The following NAT1 variants were observed in gnomAD, a reference collection of about 807,000 sequenced individuals.
NAT1 encodes the protein N-acetyltransferase 1.
For synonymous variants in NAT1, 144 were observed against 122.6 expected (o/e 1.17, Z -1.16); for missense variants, 400 against 339.2 (o/e 1.18, Z -1.41).
At chr8:18,184,393 A>C (rs1802648723) in intron 2 of NAT1, among the ~76,000 whole-genome samples, 1 of 152,108 alleles carries the variant, frequency 6.6e-6, no homozygotes, top group Admixed American at 6.6e-5. Context: ...TCTGCCCACA[A>C]AGCCCTAAAG....
intron 2 of NAT1, among the ~76,000 whole-genome samples, chr8:18,187,463 G>A (rs1333197945): frequency 1.3e-5 from 2 of 152,122 alleles, no homozygotes; most frequent in Non-Finnish European, 2.9e-5. Context: ...CCCATCAATG[G>A]CGGACTGGCT....
At chr8:18,209,752 C>T (rs1803901142), upstream of NAT1, 1 of 152,116 alleles carries the variant, frequency 6.6e-6, no homozygotes, top group African/African-American at 2.4e-5. Context: ...TGATTAAAGC[C>T]TTCCATCTTC....
intron 2 of NAT1, among the ~76,000 whole-genome samples, chr8:18,183,279 T>C (rs1338937699): frequency 1.3e-5 from 2 of 152,176 alleles, no homozygotes; most frequent in Non-Finnish European, 2.9e-5. Context: ...CACCTCTCAA[T>C]ACTGTTTGCA....
intron 2 of NAT1, among the ~76,000 whole-genome samples, chr8:18,186,593 C>T (rs942044818): frequency 1.2e-4 from 19 of 152,074 alleles, no homozygotes; most frequent in African/African-American, 3.6e-4. Flanking sequence ...TTATACCTAT[C>T]GTCTTATTGT....
At chr8:18,191,512 A>G (rs1296782529) in intron 2 of NAT1, among the ~76,000 whole-genome samples, 1 of 152,016 alleles carries the variant, frequency 6.6e-6, no homozygotes, top group Non-Finnish European at 1.5e-5. Context: ...ATATGGAACC[A>G]AAAAAGAGCC....
At chr8:18,205,073 C>T (rs922516434) in intron 2 of NAT1, among the ~76,000 whole-genome samples, 7 of 152,156 alleles carry the variant, frequency 4.6e-5, no homozygotes, top group African/African-American at 1.2e-4. Context: ...GAGGTACTCC[C>T]GGACCATTGG....
chr8:18,186,566 T>C (rs1299228667), intron 2 of NAT1, among the ~76,000 whole-genome samples: 2 of 152,174 alleles, frequency 1.3e-5, no homozygotes, highest in Non-Finnish European at 2.9e-5. Context: ...TTTAACACAA[T>C]TGCTGATATT....
chr8:18,220,038 C>T (rs929718480), intron 2 of NAT1, among the ~76,000 whole-genome samples: 3 of 152,088 alleles, frequency 2.0e-5, no homozygotes, highest in African/African-American at 7.2e-5. Context: ...GTATAAACCG[C>T]CTTCGTCCTT....
chr8:18,202,188 C>G (rs960342339), intron 2 of NAT1, among the ~76,000 whole-genome samples: 1 of 152,174 alleles, frequency 6.6e-6, no homozygotes, highest in African/African-American at 2.4e-5. Context: ...TTGACTGGGC[C>G]TTTACCTGTG....
intron 2 of NAT1, 71 bp from the exon 3 acceptor site, chr8:18,221,971 C>A: frequency 1.4e-6 from 2 of 1,417,350 alleles, no homozygotes; most frequent in Non-Finnish European, 1.9e-6. Context: ...TAAAATATAG[C>A]CATAATTAGC....
At chr8:18,179,140 A>G (rs1168535343) in intron 2 of NAT1, among the ~76,000 whole-genome samples, 1 of 151,988 alleles carries the variant, frequency 6.6e-6, no homozygotes, top group Non-Finnish European at 1.5e-5. Flanking sequence ...ACTGCACAGT[A>G]TTTGCCTGAT....
At chr8:18,189,854 A>G (rs1802908592) in intron 2 of NAT1, among the ~76,000 whole-genome samples, 1 of 152,134 alleles carries the variant, frequency 6.6e-6, no homozygotes, top group Admixed American at 6.6e-5. Flanking sequence ...CAATGGCATG[A>G]TCTTGGATCA....
intron 1 of NAT1, 34 bp from the exon 2 acceptor site, chr8:18,219,377 A>T: frequency 7.3e-7 from 1 of 1,378,994 alleles, no homozygotes; most frequent in Non-Finnish European, 1.0e-6. Context: ...AAGTCATGTT[A>T]TATATTTCTG....
At chr8:18,208,661 C>G (rs543399373), upstream of NAT1, among the ~76,000 whole-genome samples, 3 of 152,320 alleles carry the variant, frequency 2.0e-5, no homozygotes, top group Admixed American at 2.0e-4. Flanking sequence ...CAGAGTCTAC[C>G]TCCTTAGGAA....
At chr8:18,176,518 C>G (rs1391977888) in intron 2 of NAT1, among the ~76,000 whole-genome samples, 1 of 151,772 alleles carries the variant, frequency 6.6e-6, no homozygotes, top group Non-Finnish European at 1.5e-5. Context: ...GCCATAAACA[C>G]TTCGGGTTAT....
At chr8:18,199,066 C>T (rs1304069943) in intron 2 of NAT1, among the ~76,000 whole-genome samples, 1 of 151,900 alleles carries the variant, frequency 6.6e-6, no homozygotes, top group Non-Finnish European at 1.5e-5. Flanking sequence ...GTAATTCCAG[C>T]ACTTTGGGAG....
chr8:18,221,024 G>C (rs1371058445), intron 2 of NAT1, among the ~76,000 whole-genome samples: 1 of 152,022 alleles, frequency 6.6e-6, no homozygotes, highest in Non-Finnish European at 1.5e-5. Flanking sequence ...CTTCTCTCAG[G>C]CCTCTCTCAT....
intron 2 of NAT1, among the ~76,000 whole-genome samples, chr8:18,179,215 C>T (rs190894993): frequency 4.6e-5 from 7 of 152,170 alleles, no homozygotes; most frequent in African/African-American, 1.4e-4. Flanking sequence ...GTGTCTTAGT[C>T]GTTTGGCACA....
At chr8:18,188,097 T>C (rs1005161399) in intron 2 of NAT1, among the ~76,000 whole-genome samples, 1 of 152,112 alleles carries the variant, frequency 6.6e-6, no homozygotes, top group African/African-American at 2.4e-5. Context: ...ATCTAGAAAT[T>C]AATATACTTT....
Sources: allele counts gnomAD v4.1 joint callset (sites outside exome capture counted in the v4.1 genomes callset), GRCh38; gene constraint gnomAD v4.1.1; transcripts MANE v1.5; gene names NCBI Gene and HGNC (gene_info 2026-07-23, HGNC 2026-07-21).